Variants in SMC1A observed in about 807,000 individuals in gnomAD.
The protein encoded by SMC1A is structural maintenance of chromosomes protein 1A.
Under a neutral mutation model 94.5 loss-of-function variants are expected in SMC1A, and 4 were observed. The observed-to-expected ratio is 0.04, with a 90% CI of 0.02 to 0.10. SMC1A has a LOEUF of 0.10. SMC1A is among the 10% of genes least tolerant of loss of function. SMC1A has a pLI of 1.00. For missense variants in SMC1A, 304 were observed against 989.0 expected (o/e 0.31, Z 9.29); for synonymous variants, 345 against 347.7 (o/e 0.99, Z 0.09).
chrX:53,387,377 T>C (rs1443787632), intron 19 of SMC1A, among the ~76,000 whole-genome samples: 3 of 112,225 alleles, frequency 2.7e-5, no homozygotes, highest in Non-Finnish European at 5.6e-5. Context: ...TATGTTAGTG[T>C]TGCTAGGAAC....
intron 22 of SMC1A, 86 bp from the exon 23 acceptor site, chrX:53,381,173 AGG>A: frequency 1.8e-6 from 1 of 564,921 alleles, no homozygotes; most frequent in African/African-American, 2.3e-5. Flanking sequence ...CCCATCAAAC[AGG>A]CCAGCTTCCC....
chrX:53,399,507 G>T, intron 16 of SMC1A, 82 bp downstream of exon 16: 1 of 959,299 alleles, frequency 1.0e-6, no homozygotes. Flanking sequence ...CTAAGTTGTG[G>T]ACATTATCCT....
In SMC1A at chrX:53,405,963, A is replaced by AAAGTAGGAAGGGAAAACTG. The variant is rs2075689571; in HGVS notation, c.1546-26_1546-8dup. 8.3e-7 allele frequency: 1 copy of AAAGTAGGAAGGGAAAACTG among 1,207,780 alleles called. No homozygotes were observed. Among genetic ancestry groups the AAAGTAGGAAGGGAAAACTG allele is most frequent in the Admixed American group, 2.2e-5 (1 of 45,653 alleles). On this transcript the variant is annotated splice_region_variant and splice_polypyrimidine_tract_variant and intron_variant, in intron 9 of 24. Coordinates refer to ENST00000322213, the MANE Select transcript of SMC1A (RefSeq NM_006306.4). ...GGTCAATGAGGCGGCCGTACTGAGT[A>AAAGTAGGAAGGGAAAACTG]AAGTAGGAAGGGAAAACTGAAGTAT...
intron 21 of SMC1A, 35 bp from the exon 22 acceptor site, chrX:53,382,418 G>C: frequency 8.3e-7 from 1 of 1,198,665 alleles, no homozygotes; most frequent in Non-Finnish European, 1.1e-6. Context: ...ATCTGTATCT[G>C]AGACTGGATG....
intron 16 of SMC1A, among the ~76,000 whole-genome samples, chrX:53,398,182 T>TTA (rs2075658770): frequency 2.8e-5 from 1 of 35,336 alleles, no homozygotes; most frequent in Admixed American, 4.2e-4. Context: ...AAACTGAGTC[T>TTA]CAAAAAAAAA....
At chrX:53,381,784 G>A (rs181335659) in intron 22 of SMC1A, 3 of 231,647 alleles carry the variant, frequency 1.3e-5, no homozygotes, top group Non-Finnish European at 2.4e-5. Context: ...AGAAATTGAT[G>A]CTGTACAATC....
At chrX:53,386,487 G>A (rs1452384264) in intron 19 of SMC1A, among the ~76,000 whole-genome samples, 3 of 111,853 alleles carry the variant, frequency 2.7e-5, no homozygotes, top group Non-Finnish European at 5.6e-5. Context: ...ATGAAATTAC[G>A]ATTAGGTAAG....
intron 19 of SMC1A, among the ~76,000 whole-genome samples, chrX:53,390,810 A>G (rs961207829): frequency 9.6e-5 from 10 of 103,682 alleles, no homozygotes; most frequent in Non-Finnish European, 1.8e-4. Context: ...GGCTAACATG[A>G]TGAAACCCCG....
At chrX:53,415,243 G>C in intron 1 of SMC1A, 74 bp from the exon 2 acceptor site, 1 of 903,684 alleles carries the variant, frequency 1.1e-6, no homozygotes, top group Non-Finnish European at 1.6e-6. Context: ...AAGATATTGA[G>C]ATGAACAAAA....
At chrX:53,401,427 A>C (rs922354626) in intron 15 of SMC1A, among the ~76,000 whole-genome samples, 1 of 112,475 alleles carries the variant, frequency 8.9e-6, no homozygotes, top group Non-Finnish European at 1.9e-5. Flanking sequence ...TCTTAGTTCT[A>C]AAATTTACAC....
chrX:53,400,231 C>T (rs2075666158), intron 15 of SMC1A, among the ~76,000 whole-genome samples: 1 of 111,775 alleles, frequency 8.9e-6, no homozygotes, highest in African/African-American at 3.2e-5. Flanking sequence ...GTAAATGGCA[C>T]ATGTGAGACT....
intron 1 of SMC1A, among the ~76,000 whole-genome samples, chrX:53,420,249 T>C (rs1188711476): frequency 9.0e-6 from 1 of 111,505 alleles, no homozygotes; most frequent in Non-Finnish European, 1.9e-5. Context: ...CTTGGCTGGG[T>C]GCAGTGGCTC....
chrX:53,381,544 C>T, intron 22 of SMC1A: 1 of 133,153 alleles, frequency 7.5e-6, no homozygotes, highest in Non-Finnish European at 1.5e-5. Context: ...TCAAGTGGCA[C>T]CTGTCATTAA....
chrX:53,392,302 G>A (rs1232109658), intron 19 of SMC1A, among the ~76,000 whole-genome samples: 2 of 108,152 alleles, frequency 1.8e-5, no homozygotes, highest in Non-Finnish European at 3.8e-5. Flanking sequence ...TGAGGAAGGA[G>A]AATCGAGTGA....
intron 19 of SMC1A, among the ~76,000 whole-genome samples, chrX:53,390,742 C>T (rs190066245): frequency 2.0e-3 from 217 of 107,707 alleles, no homozygotes; most frequent in African/African-American, 7.0e-3. Context: ...CCTGTAATCC[C>T]AGCACTTTGG....
At chrX:53,400,781 A>G (rs1200970893) in intron 15 of SMC1A, among the ~76,000 whole-genome samples, 1 of 111,765 alleles carries the variant, frequency 8.9e-6, no homozygotes, top group African/African-American at 3.3e-5. Flanking sequence ...CCAACTCCCA[A>G]TATGGTGTGA....
At chrX:53,410,742 A>C (rs1556890372) in intron 7 of SMC1A, among the ~76,000 whole-genome samples, 1 of 106,519 alleles carries the variant, frequency 9.4e-6, no homozygotes, top group African/African-American at 3.4e-5. Flanking sequence ...CAGAGGTTGT[A>C]GTGAGCCGAG....
intron 7 of SMC1A, among the ~76,000 whole-genome samples, chrX:53,410,630 T>C (rs188606026): frequency 0.021 from 2,233 of 107,417 alleles, 23 homozygotes; most frequent in Non-Finnish European, 0.029. Flanking sequence ...TGAAACCCCG[T>C]CTCCACTAAA....
chrX:53,402,868 C>CCAAAAAAAAAA (rs2075675887), intron 15 of SMC1A, among the ~76,000 whole-genome samples: 4 of 10,076 alleles, frequency 4.0e-4, no homozygotes, highest in Non-Finnish European at 5.3e-4. Flanking sequence ...GACTCTGTCT[C>CCAAAAAAAAAA]AAAAAAAAAA....
Sources: allele counts gnomAD v4.1 joint callset (sites outside exome capture counted in the v4.1 genomes callset), GRCh38; gene constraint gnomAD v4.1.1; transcripts MANE v1.5; gene names NCBI Gene and HGNC (gene_info 2026-07-23, HGNC 2026-07-21).